Variants in FGD6 observed in about 807,000 individuals in gnomAD.
FGD6 encodes FYVE, RhoGEF and PH domain containing 6.
FGD6 carries 90 observed loss-of-function variants against 149.4 expected under a neutral mutation model. That is an observed-to-expected ratio of 0.60 (90% CI 0.51 to 0.72). The LOEUF is 0.72. Ranked by LOEUF, FGD6 falls within the 30% of genes least tolerant of loss-of-function variation. FGD6 has a pLI of 0.00. For missense variants in FGD6, 1,437 were observed against 1,684.8 expected (o/e 0.85, Z 2.57); for synonymous variants, 527 against 584.0 (o/e 0.90, Z 1.41).
In FGD6 at chr12:95,092,704, C is replaced by T; in HGVS notation, c.3742G>A (p.Gly1248Arg). 6.2e-7 allele frequency: 1 copy of T among 1,613,890 alleles called. No individual in the cohort carries two copies. Among genetic ancestry groups the T allele is most frequent in the Non-Finnish European group, 8.5e-7 (1 of 1,179,956 alleles). ...TGGGTGTTATCATCGCCAACCTTTCCACAGGCCCGGCAGTGGTGTCGTCTC... is the reference window on the plus strand; with the variant it reads ...TGGGTGTTATCATCGCCAACCTTTCTACAGGCCCGGCAGTGGTGTCGTCTC... Reference protein sequence around the residue: ...TWRRHHCRACGKIVCQACSSN... With the variant: ...TWRRHHCRACRKIVCQACSSN... Residue 1248 changes from glycine (G) to arginine (R), a missense_variant, in exon 16 of 21, where the codon GGA becomes AGA. Physicochemically the swap from Gly to Arg is moderately radical, Grantham distance 125. This residue lies in a region of FGD6 where 382 missense variants were observed against 538.7 expected (regional missense o/e 0.71). Transcript: ENST00000343958.
intron 6 of FGD6, 36 bp downstream of exon 6, chr12:95,141,352 A>C (rs748293955): frequency 6.2e-7 from 1 of 1,600,152 alleles, no homozygotes; most frequent in South Asian, 1.1e-5. Context: ...CTAAAATTGG[A>C]AACACTAGGA....
intron 8 of FGD6, chr12:95,126,478 C>A: frequency 1.5e-6 from 1 of 679,656 alleles, no homozygotes; most frequent in Non-Finnish European, 2.3e-6. Flanking sequence ...CCTGTAATCC[C>A]AGTACCGTGG....
chr12:95,160,444 T>C (rs764703193), intron 3 of FGD6, among the ~76,000 whole-genome samples: 3 of 152,176 alleles, frequency 2.0e-5, no homozygotes, highest in Non-Finnish European at 4.4e-5. Context: ...TGGTAGCCCC[T>C]ACTCATACGG....
chr12:95,098,547 CT>C (rs1240631290), intron 14 of FGD6, among the ~76,000 whole-genome samples: 1 of 152,158 alleles, frequency 6.6e-6, no homozygotes, highest in East Asian at 1.9e-4. Context: ...CCTTCCAATT[CT>C]CTGAATATGT....
At chr12:95,091,595 T>G (rs1878054970) in intron 17 of FGD6, 112 bp downstream of exon 17, 1 of 624,254 alleles carries the variant, frequency 1.6e-6, no homozygotes, top group Non-Finnish European at 2.7e-6. Context: ...AATTTGGAGA[T>G]AAGTATCAAC....
chr12:95,125,670 C>A, intron 8 of FGD6: 2 of 419,238 alleles, frequency 4.8e-6, no homozygotes, highest in East Asian at 4.9e-5. Context: ...TTGTGGATAC[C>A]TGGATACAAT....
Position 95,105,034 on chromosome 12 carries a change from A to G in FGD6, c.3470T>C (p.Val1157Ala), listed in dbSNP as rs1330207333. Reference sequence around the variant, plus strand: ...GGCTGAGAGAATGAAGGAACGTTCTACACTTTCAATCTTTAATTCATTCTG... The same window carrying G: ...GGCTGAGAGAATGAAGGAACGTTCTGCACTTTCAATCTTTAATTCATTCTG... ...AYQNELKIES[V>A]ERSFILSASS... The change falls in exon 14 of 21, where the codon GTA (valine) becomes GCA (alanine). Residue 1157 changes from valine to alanine, a missense_variant. Coordinates refer to ENST00000343958, the MANE Select transcript of FGD6 (RefSeq NM_018351.4). 1 of 1,607,368 alleles carries G rather than the reference A, an allele frequency of 6.2e-7. No homozygotes were observed. Among genetic ancestry groups the G allele is most frequent in the Admixed American group, 1.7e-5 (1 of 58,354 alleles).
In FGD6 at chr12:95,217,362, C is replaced by T. The variant is rs190743072; in HGVS notation, c.-122G>A. The T allele has an allele frequency of 5.8e-3, 7,839 of 1,346,240 alleles. 26 individuals are homozygous for T. Among genetic ancestry groups the T allele is most frequent in the Non-Finnish European group, 7.1e-3 (7,258 of 1,020,984 alleles). The allele number at this position is 1,346,240 out of a possible 1,614,324, so 83.4% of individuals were successfully genotyped here. ...CCGCAGCGCCCACATTCCGTCCCGCCGCCCCGCGGCGCAGCCTGAGCGCCA... is the reference window on the plus strand; with the variant it reads ...CCGCAGCGCCCACATTCCGTCCCGCTGCCCCGCGGCGCAGCCTGAGCGCCA... On this transcript the variant is annotated 5_prime_UTR_variant, in exon 1 of 21. Transcript: ENST00000343958.
intron 2 of FGD6, among the ~76,000 whole-genome samples, chr12:95,187,452 A>G (rs540501654): frequency 1.3e-4 from 20 of 151,822 alleles, no homozygotes; most frequent in African/African-American, 4.1e-4. Context: ...CAGCAGATCG[A>G]GACCAGCATG....
intron 1 of FGD6, among the ~76,000 whole-genome samples, chr12:95,212,404 T>C (rs1305619566): frequency 6.6e-6 from 1 of 152,216 alleles, no homozygotes; most frequent in African/African-American, 2.4e-5. Context: ...TATTATACAA[T>C]GCTGCATCGG....
chr12:95,125,995 A>G, intron 8 of FGD6: 1 of 1,390,416 alleles, frequency 7.2e-7, no homozygotes, highest in Non-Finnish European at 1.0e-6. Context: ...GCCTGGCAGA[A>G]GGTAGACATC....
Position 95,209,040 on chromosome 12 carries a change from A to G in FGD6, c.2244T>C (p.Tyr748=). The G allele has an allele frequency of 1.2e-6, 2 of 1,614,086 alleles. No homozygotes were observed. The highest frequency in any genetic ancestry group is 1.7e-6 in the Non-Finnish European group (2 of 1,180,018). ...TTTCCTCATAATGGCGTATATTTTC[A>G]TACTCCGGTGCACAGAGGCTTGTAA... ...KSVTSLCAPE[Y]ENIRHYEEIP... The change falls in exon 2 of 21, where the codon TAT becomes TAC. Residue 748 remains tyrosine, a synonymous_variant. Transcript: ENST00000343958.
At chr12:95,204,655 C>T (rs2056684388) in intron 2 of FGD6, among the ~76,000 whole-genome samples, 1 of 152,142 alleles carries the variant, frequency 6.6e-6, no homozygotes, top group South Asian at 2.1e-4. Context: ...TTAACCCCAC[C>T]CTGGCTACCG....
chr12:95,127,594 C>T (rs11107909), intron 8 of FGD6, among the ~76,000 whole-genome samples: 11,163 of 152,178 alleles, frequency 0.073, 507 homozygotes, highest in East Asian at 0.15. Flanking sequence ...TTTATATGCG[C>T]TTGTTAGCCT....
intron 2 of FGD6, among the ~76,000 whole-genome samples, chr12:95,190,086 A>G (rs1881545370): frequency 6.6e-6 from 1 of 152,248 alleles, no homozygotes; most frequent in South Asian, 2.1e-4. Context: ...GTTTGTCTTT[A>G]CAAATCCTTT....
rs751974134 is a variant in FGD6 at position 95,107,638 on chromosome 12, C to T, written c.3265-7G>A. On this transcript the variant is annotated splice_polypyrimidine_tract_variant and splice_region_variant and intron_variant, in intron 11 of 20. Transcript: ENST00000343958. ...TTCCTTCTTTGAGAAAAACCTGATT[C>T]ACCCAAACAAACACCCATTTAGTCC... The T allele has an allele frequency of 2.4e-5, 38 of 1,613,756 alleles. No individual in the cohort carries two copies. The highest frequency in any genetic ancestry group is 3.1e-5 in the Non-Finnish European group (37 of 1,179,978).
chr12:95,084,980 C>G (rs1201728681), intron 19 of FGD6, among the ~76,000 whole-genome samples: 1 of 152,188 alleles, frequency 6.6e-6, no homozygotes, highest in East Asian at 1.9e-4. Context: ...GTAAGCTATT[C>G]ACCTGGATCT....
At position 95,209,183 on chromosome 12, in the gene FGD6, G is replaced by C; in HGVS notation, c.2101C>G (p.Gln701Glu). 6.2e-7 allele frequency: 1 copy of C among 1,614,030 alleles called. No homozygotes were observed. The highest frequency in any genetic ancestry group is 8.5e-7 in the Non-Finnish European group (1 of 1,180,012). The change falls in exon 2 of 21, where the codon CAA becomes GAA. Residue 701 changes from glutamine to glutamate, a missense_variant. Transcript: ENST00000343958. The stretch of plus-strand genomic sequence containing the variant: ...CCCCGAGACTTCTTCCTCTTCTTTT[G>C]AGATTCCAGGCTATAGTTTTCTGTG... ...YSTENYSLESQKKRKKSRGQT... is the reference protein window; with the variant it reads ...YSTENYSLESEKKRKKSRGQT...
intron 2 of FGD6, among the ~76,000 whole-genome samples, chr12:95,174,944 A>AAG (rs1555221539): frequency 3.3e-5 from 5 of 151,372 alleles, no homozygotes; most frequent in South Asian, 2.1e-4. Flanking sequence ...AAAAAAAAAA[A>AAG]AAAGAAATTA....
Sources: gnomAD v4.1 joint callset for allele counts (sites outside exome capture counted in the v4.1 genomes callset) on GRCh38, gnomAD v4.1.1 for gene constraint, gnomAD v4.1.1 regional missense constraint, MANE v1.5 for transcripts, NCBI Gene and HGNC (gene_info 2026-07-23, HGNC 2026-07-21) for gene names.